Variants in KCNT2 observed in about 807,000 individuals in gnomAD.
The protein encoded by KCNT2 is potassium sodium-activated channel subfamily T member 2.
KCNT2 carries 67 observed loss-of-function variants against 153.8 expected under a neutral mutation model. The observed-to-expected ratio is 0.44, with a 90% CI of 0.36 to 0.53. The LOEUF is 0.53. KCNT2 is among the 20% of genes least tolerant of loss of function. KCNT2 has a pLI of 0.00. For missense variants in KCNT2, 975 were observed against 1,354.8 expected (o/e 0.72, Z 4.40); for synonymous variants, 500 against 458.8 (o/e 1.09, Z -1.15).
intron 24 of KCNT2, 38 bp from the exon 25 acceptor site, chr1:196,281,026 C>T (rs768720083): frequency 6.5e-7 from 1 of 1,532,874 alleles, no homozygotes; most frequent in Non-Finnish European, 9.0e-7. Context: ...TTAAATGTGT[C>T]AGAAATAAAA....
At chr1:196,437,882 A>G (rs1009755877) in intron 8 of KCNT2, among the ~76,000 whole-genome samples, 23 of 151,596 alleles carry the variant, frequency 1.5e-4, no homozygotes, top group African/African-American at 5.6e-4. Flanking sequence ...TCAATAGGAC[A>G]AAGGTCTTTC....
rs528346464 is a variant in KCNT2 at position 196,295,460 on chromosome 1, A to C, written c.2596-9702T>G. Among the ~76,000 whole-genome samples, 5 of 151,736 alleles carry C rather than the reference A, an allele frequency of 3.3e-5. No individual in the cohort carries two copies. In the East Asian group the frequency reaches 9.7e-4, roughly 29 times the overall value. ...AAAGTCAACATTAATATTCATGATA[A>C]GGTAAAGTCTGAAAACCAAAAAAAA... On this transcript the variant is annotated intron_variant, in intron 22 of 27. Transcript: ENST00000294725.
At chr1:196,302,513 A>C (rs1053902257) in intron 22 of KCNT2, among the ~76,000 whole-genome samples, 56 of 152,290 alleles carry the variant, frequency 3.7e-4, no homozygotes, top group African/African-American at 1.3e-3. Context: ...TGTAAATGAA[A>C]GATCTGTTCC....
intron 16 of KCNT2, 82 bp from the exon 17 acceptor site, chr1:196,334,142 A>T (rs1664759918): frequency 1.0e-5 from 8 of 775,856 alleles, no homozygotes; most frequent in Admixed American, 2.3e-5. Flanking sequence ...AATATGAAAT[A>T]TAATAAACAC....
Position 196,227,458 on chromosome 1 carries a change from C to G in KCNT2, c.*766G>C, listed in dbSNP as rs1398204494. 3 of 152,086 alleles carry G rather than the reference C, an allele frequency of 2.0e-5. No homozygotes were observed. Among genetic ancestry groups the G allele is most frequent in the Non-Finnish European group, 2.9e-5 (2 of 67,886 alleles). The allele number at this position is 152,086 out of a possible 1,614,324, so 9.4% of individuals were successfully genotyped here. On this transcript the variant is annotated 3_prime_UTR_variant, in exon 28 of 28. Coordinates refer to ENST00000294725, the MANE Select transcript of KCNT2 (RefSeq NM_198503.5). ...AACAAATGTGTATTAAGTATTTTCTCTATGCTAGGCATTCGTTTAGGAGAA... is the reference window on the plus strand; with the variant it reads ...AACAAATGTGTATTAAGTATTTTCTGTATGCTAGGCATTCGTTTAGGAGAA...
intron 27 of KCNT2, among the ~76,000 whole-genome samples, chr1:196,230,332 T>A (rs1364843429): frequency 1.3e-5 from 2 of 152,008 alleles, no homozygotes; most frequent in Non-Finnish European, 2.9e-5. Context: ...GCAGCAAATC[T>A]GTTTAAAGCA....
chr1:196,316,532 A>C (rs2148022782), intron 20 of KCNT2, among the ~76,000 whole-genome samples: 1 of 151,768 alleles, frequency 6.6e-6, no homozygotes, highest in South Asian at 2.1e-4. Context: ...CCTTTATGTA[A>C]GACCTATGTG....
In KCNT2 at chr1:196,470,110, A is replaced by T. The variant is rs1378126441; in HGVS notation, c.385-1042T>A. Among the ~76,000 whole-genome samples, 4 of 152,296 alleles carry T rather than the reference A, an allele frequency of 2.6e-5. No individual in the cohort carries two copies. The East Asian group carries it at 7.7e-4, about 29-fold the overall frequency. On this transcript the variant is annotated intron_variant, in intron 5 of 27. Transcript: ENST00000294725. The stretch of plus-strand genomic sequence containing the variant: ...ATAGTTTATCACCCTCATCCAGGCT[A>T]CATAAAAACAGTAAAGGAGTGGGAA...
intron 1 of KCNT2, among the ~76,000 whole-genome samples, chr1:196,558,547 G>T (rs1234944198): frequency 6.6e-6 from 1 of 151,316 alleles, no homozygotes; most frequent in Non-Finnish European, 1.5e-5. Context: ...TAATTTACAA[G>T]AATGTCTAGT....
At chr1:196,488,760 T>C (rs1376363972) in intron 3 of KCNT2, among the ~76,000 whole-genome samples, 2 of 152,014 alleles carry the variant, frequency 1.3e-5, no homozygotes, top group Admixed American at 6.6e-5. Flanking sequence ...ATTTCATTAA[T>C]TCAGCAGCAT....
Position 196,568,610 on chromosome 1 carries a change from A to AG in KCNT2, c.95+39604dup, listed in dbSNP as rs1208137502. On this transcript the variant is annotated intron_variant, in intron 1 of 27. Coordinates refer to ENST00000294725, the MANE Select transcript of KCNT2 (RefSeq NM_198503.5). Reference sequence around the variant, plus strand: ...GACTCCGTCTCAAAAAAAAAAAAAAAGAAAAGAAAAACACGCCACCACAGA... The same window carrying AG: ...GACTCCGTCTCAAAAAAAAAAAAAAAGGAAAAGAAAAACACGCCACCACAGA... Among the ~76,000 whole-genome samples the AG allele has an allele frequency of 2.6e-4, 39 of 150,460 alleles. 1 individual carries two copies. The highest frequency in any genetic ancestry group is 6.0e-4 in the Admixed American group (9 of 15,080).
intron 13 of KCNT2, among the ~76,000 whole-genome samples, chr1:196,379,655 T>A (rs895508031): frequency 6.6e-6 from 1 of 151,964 alleles, no homozygotes; most frequent in African/African-American, 2.4e-5. Context: ...TGTACATGCA[T>A]CTTATCTTGT....
Position 196,467,924 on chromosome 1 carries a change from CTT to C in KCNT2, c.460-140_460-139del, listed in dbSNP as rs1304637193. The C allele has an allele frequency of 2.1e-5, 10 of 468,882 alleles. 1 individual carries two copies. Among genetic ancestry groups the C allele is most frequent in the South Asian group, 1.8e-4 (3 of 17,068 alleles). The allele number at this position is 468,882 out of a possible 1,614,324, so 29.0% of individuals were successfully genotyped here. On this transcript the variant is annotated intron_variant, in intron 6 of 27. Transcript: ENST00000294725. ...ATATGACAAATAATGTAAACTCACT[CTT>C]AATAAAATGTAAGGAATTGATATGT...
intron 1 of KCNT2, among the ~76,000 whole-genome samples, chr1:196,584,400 C>T (rs746192669): frequency 1.3e-5 from 2 of 151,972 alleles, no homozygotes; most frequent in African/African-American, 2.4e-5. Flanking sequence ...AAATGAGCAG[C>T]TTTTATTAAA....
At chr1:196,582,949 G>GA (rs1558104658) in intron 1 of KCNT2, among the ~76,000 whole-genome samples, 1 of 151,966 alleles carries the variant, frequency 6.6e-6, no homozygotes, top group Non-Finnish European at 1.5e-5. Context: ...TTTGCATAGC[G>GA]AAAAAGCCTT....
chr1:196,379,341 C>T (rs1669258705), intron 13 of KCNT2, among the ~76,000 whole-genome samples: 2 of 151,998 alleles, frequency 1.3e-5, no homozygotes, highest in South Asian at 4.1e-4. Context: ...GAGCTGGAGG[C>T]GGGCACATCA....
intron 10 of KCNT2, 78 bp downstream of exon 10, chr1:196,428,027 T>C: frequency 9.2e-7 from 1 of 1,087,442 alleles, no homozygotes; most frequent in African/African-American, 1.6e-5. Context: ...CAAAGCAGGC[T>C]GCACCATCAG....
chr1:196,294,080 G>A (rs1412547288), intron 22 of KCNT2, among the ~76,000 whole-genome samples: 1 of 151,832 alleles, frequency 6.6e-6, no homozygotes, highest in Non-Finnish European at 1.5e-5. Context: ...ATATATAACC[G>A]GCCAACACGT....
intron 8 of KCNT2, among the ~76,000 whole-genome samples, chr1:196,455,094 C>G (rs902453177): frequency 6.6e-6 from 1 of 151,850 alleles, no homozygotes; most frequent in African/African-American, 2.4e-5. Flanking sequence ...CTGGTCCTTC[C>G]CATACTTCAT....
Sources: gnomAD v4.1 joint callset for allele counts (sites outside exome capture counted in the v4.1 genomes callset) on GRCh38, gnomAD v4.1.1 for gene constraint, MANE v1.5 for transcripts, NCBI Gene and HGNC (gene_info 2026-07-23, HGNC 2026-07-21) for gene names.